ADAMTS10: variants seen among roughly 807,000 people sequenced by gnomAD.
The protein encoded by ADAMTS10 is A disintegrin and metalloproteinase with thrombospondin motifs 10.
A neutral mutation model predicts 135.9 loss-of-function variants in ADAMTS10; 48 were observed. The observed-to-expected ratio is 0.35, with a 90% CI of 0.28 to 0.45. ADAMTS10 has a LOEUF of 0.45. ADAMTS10 is among the 20% of genes least tolerant of loss of function. The pLI is 1.00. For synonymous variants in ADAMTS10, 621 were observed against 647.5 expected, an observed-to-expected ratio of 0.96 and a Z score of 0.62; for missense variants, 1,131 against 1,565.2, an observed-to-expected ratio of 0.72 and a Z score of 4.68.
At position 8,601,120 on chromosome 19, in the gene ADAMTS10, T is replaced by C. The variant is rs2042665525; in HGVS notation, c.618A>G (p.Pro206=). Residue 206 remains proline (P), a synonymous_variant, in exon 6 of 26, where the codon CCA becomes CCG. Coordinates refer to ENST00000597188, the MANE Select transcript of ADAMTS10 (RefSeq NM_030957.4). The surrounding 1 kb of genome is among the most constrained non-coding windows in gnomAD (Gnocchi z 4.6). The stretch of plus-strand genomic sequence containing the variant: ...GTGGCTTCAAGGTCCGCAGCCACCA[T>C]GGCCGCCCTTTCCACGGTTTCTCAT... ...VRDEKPWKGR[P]WWLRTLKPPP... 1 of 1,613,810 alleles carries C rather than the reference T, an allele frequency of 6.2e-7. No homozygotes were observed. Among genetic ancestry groups the C allele is most frequent in the Non-Finnish European group, 8.5e-7 (1 of 1,180,036 alleles).
At chr19:8,603,389 C>T (rs2042687086) in intron 5 of ADAMTS10, among the ~76,000 whole-genome samples, 1 of 152,210 alleles carries the variant, frequency 6.6e-6, no homozygotes, top group Non-Finnish European at 1.5e-5. Context: ...ATTCTCCTGC[C>T]TCAGCCTCCC....
In ADAMTS10 at chr19:8,585,808, G is replaced by A. The variant is rs905212549; in HGVS notation, c.2661-148C>T. ...GGCACCTCCACATTCCACACTTGGG[G>A]CATCGTTAGCCTGCACCCAGACTGG... is the stretch of plus-strand genomic sequence containing the variant. On this transcript the variant is annotated intron_variant, in intron 22 of 25. Transcript: ENST00000597188. 2.0e-5 allele frequency: 18 copies of A among 888,228 alleles called. No individual in the cohort carries two copies. In the Admixed American group the frequency reaches 3.1e-4, roughly 16 times the overall value. 55.0% of individuals were successfully genotyped at this position (888,228 alleles called of 1,614,324 possible).
intron 12 of ADAMTS10, 64 bp downstream of exon 12, chr19:8,595,698 T>TACCAA: frequency 2.1e-5 from 27 of 1,291,922 alleles, no homozygotes; most frequent in Non-Finnish European, 2.8e-5. Flanking sequence ...CTGGTGGAGT[T>TACCAA]CCCTCCCCCA....
Position 8,601,093 on chromosome 19 carries a change from C to T in ADAMTS10, c.645G>A (p.Pro215=), listed in dbSNP as rs376190817. 5.5e-5 allele frequency: 89 copies of T among 1,614,024 alleles called. No homozygotes were observed. The African/African-American group carries it at 7.2e-4, about 13-fold the overall frequency. Residue 215 remains proline (P), a synonymous_variant, in exon 6 of 26, where the codon CCG becomes CCA. Transcript: ENST00000597188. The surrounding 1 kb of genome is among the most constrained non-coding windows in gnomAD (Gnocchi z 4.6). ...TTTCATTCCCCAGGGGCCTGGCAGG[C>T]GGTGGCTTCAAGGTCCGCAGCCACC... ...RPWWLRTLKP[P]PARPLGNETE...
At position 8,602,020 on chromosome 19, in the gene ADAMTS10, A is replaced by G. The variant is rs537546396; in HGVS notation, c.593-875T>C. Among the ~76,000 whole-genome samples, 6 of 152,318 alleles carry G rather than the reference A, an allele frequency of 3.9e-5. No individual in the cohort carries two copies. The East Asian group carries it at 9.6e-4, about 24-fold the overall frequency. ...ATGGTGTGAACCAGCCTGTTTTGCAATTTGAACTGTGTGCTTGGACAACGT... is the reference window on the plus strand; with the variant it reads ...ATGGTGTGAACCAGCCTGTTTTGCAGTTTGAACTGTGTGCTTGGACAACGT... On this transcript the variant is annotated intron_variant, in intron 5 of 25. Coordinates refer to ENST00000597188, the MANE Select transcript of ADAMTS10 (RefSeq NM_030957.4).
chr19:8,594,705 G>T (rs2146076408), intron 12 of ADAMTS10, among the ~76,000 whole-genome samples: 1 of 152,298 alleles, frequency 6.6e-6, no homozygotes, highest in South Asian at 2.1e-4. Flanking sequence ...GGGCTAGCAG[G>T]ATTGTCAGGA....
chr19:8,585,284 G>C lies in ADAMTS10; in HGVS notation c.2890C>G (p.Leu964Val), dbSNP rs1555736695. Residue 964 changes from leucine (L) to valine (V), a missense_variant, in exon 24 of 26, where the codon CTC becomes GTC. Physicochemically the swap from Leu to Val is conservative, Grantham distance 32 (BLOSUM62 1). This residue lies in a region of ADAMTS10 where 745 missense variants were observed against 1,056.3 expected (regional missense o/e 0.71). Coordinates refer to ENST00000597188, the MANE Select transcript of ADAMTS10 (RefSeq NM_030957.4). ...SECTPSCGPG[L>V]RHRVVLCKSA... ...TTGCAAAGGACCACGCGGTGGCGGA[G>C]GCCCGGCCCGCAGCTGGGGGTGCAC... 4 of 1,518,474 alleles carry C rather than the reference G, an allele frequency of 2.6e-6. No individual in the cohort carries two copies. In the Admixed American group the frequency reaches 8.0e-5, roughly 30 times the overall value. 94.1% of individuals were successfully genotyped at this position (1,518,474 alleles called of 1,614,324 possible). A position where few individuals can be genotyped will look rare whatever the true frequency, so the allele number is the denominator to read the frequency against.
chr19:8,580,669 A>G lies in ADAMTS10; in HGVS notation c.*224T>C, dbSNP rs1391977597. 2 of 534,626 alleles carry G rather than the reference A, an allele frequency of 3.7e-6. No individual in the cohort carries two copies. The highest frequency in any genetic ancestry group is 6.8e-6 in the Non-Finnish European group (2 of 295,942). 33.1% of individuals were successfully genotyped at this position (534,626 alleles called of 1,614,324 possible). On this transcript the variant is annotated 3_prime_UTR_variant, in exon 26 of 26. Transcript: ENST00000597188. ...CCCACCCTGGAGGGGGGGTCTCACT[A>G]TGTGAACTGGAAGGGGCGGATGCTG...
chr19:8,592,292 C>T, intron 13 of ADAMTS10, 189 bp from the exon 14 acceptor site: 2 of 1,188,626 alleles, frequency 1.7e-6, no homozygotes, highest in African/African-American at 3.1e-5. Flanking sequence ...CAGGTACAAG[C>T]GAGAGGCGTG....
At position 8,580,473 on chromosome 19, in the gene ADAMTS10, C is replaced by G. The variant is rs1297167992; in HGVS notation, c.*420G>C. 1 of 171,516 alleles carries G rather than the reference C, an allele frequency of 5.8e-6. No individual in the cohort carries two copies. Among genetic ancestry groups the G allele is most frequent in the Non-Finnish European group, 1.3e-5 (1 of 78,692 alleles). 10.6% of individuals were successfully genotyped at this position (171,516 alleles called of 1,614,324 possible). Reference sequence around the variant, plus strand: ...CCCATAGCAGACACAGATTCCCCCCCAGCTCGGAGTGGAGGGGTAGGGCAG... The same window carrying G: ...CCCATAGCAGACACAGATTCCCCCCGAGCTCGGAGTGGAGGGGTAGGGCAG... On this transcript the variant is annotated 3_prime_UTR_variant, in exon 26 of 26. Transcript: ENST00000597188.
rs191410225 is a variant in ADAMTS10 at position 8,594,176 on chromosome 19, C to A, written c.1480-1306G>T. On this transcript the variant is annotated intron_variant, in intron 12 of 25. Coordinates refer to ENST00000597188, the MANE Select transcript of ADAMTS10 (RefSeq NM_030957.4). ...TTGTCCTCCTCTCCACAAGGAGGCACTGTGGCATATTTGAGTTGTGCAGAG... is the reference window on the plus strand; with the variant it reads ...TTGTCCTCCTCTCCACAAGGAGGCAATGTGGCATATTTGAGTTGTGCAGAG... Among the ~76,000 whole-genome samples the A allele has an allele frequency of 4.4e-3, 674 of 152,338 alleles. 3 individuals are homozygous for A. Among genetic ancestry groups the A allele is most frequent in the Non-Finnish European group, 5.4e-3 (364 of 68,026 alleles).
chr19:8,595,957 A>AG, intron 11 of ADAMTS10, 54 bp from the exon 12 acceptor site: 1 of 1,614,082 alleles, frequency 6.2e-7, no homozygotes, highest in East Asian at 2.2e-5. Context: ...TCAAGAGCTC[A>AG]GGAGCCTCAG....
Position 8,585,154 on chromosome 19 carries a change from C to A in ADAMTS10, c.3020G>T (p.Trp1007Leu). The A allele has an allele frequency of 7.1e-7, 1 of 1,410,418 alleles. No homozygotes were observed. The highest frequency in any genetic ancestry group is 1.5e-5 in the South Asian group (1 of 65,668). 87.4% of individuals were successfully genotyped at this position (1,410,418 alleles called of 1,614,324 possible). Residue 1007 changes from tryptophan (W) to leucine (L), a missense_variant, in exon 24 of 26, where the codon TGG becomes TTG. Transcript: ENST00000597188. ...CNLRRCPPAR[W>L]VAGEWGECSA... ...TACCTCACCCCACTCGCCAGCCACC[C>A]AGCGGGCCGGGGGGCAGCGGCGCAA...
intron 25 of ADAMTS10, among the ~76,000 whole-genome samples, chr19:8,583,024 T>C (rs1555736120): frequency 6.6e-6 from 1 of 152,014 alleles, no homozygotes; most frequent in Non-Finnish European, 1.5e-5. Flanking sequence ...GCTCAGGCAA[T>C]CTTTCCAGTT....
intron 12 of ADAMTS10, 179 bp from the exon 13 acceptor site, chr19:8,593,049 C>G: frequency 3.1e-6 from 2 of 653,124 alleles, no homozygotes; most frequent in Non-Finnish European, 5.6e-6. Context: ...TGGCCTGTGA[C>G]TTATACTCTC....
Position 8,600,939 on chromosome 19 carries a change from T to C in ADAMTS10, c.799A>G (p.Ile267Val). ...GGGAAGGCACTTACAATGTTCATGA[T>C]GGCCAGGACATACTGCTCCACATCC... is the stretch of plus-strand genomic sequence containing the variant. ...RRDVEQYVLA[I>V]MNIVAKLFQD... Residue 267 changes from isoleucine (I) to valine (V), a missense_variant, in exon 6 of 26, where the codon ATC becomes GTC. Around this residue, in one of 3 missense-constraint regions of ADAMTS10, gnomAD observed 80 missense variants for 164.4 expected, o/e 0.49. Transcript: ENST00000597188. 6.2e-7 allele frequency: 1 copy of C among 1,614,164 alleles called. No homozygotes were observed. Among genetic ancestry groups the C allele is most frequent in the Non-Finnish European group, 8.5e-7 (1 of 1,180,038 alleles).
At chr19:8,593,027 C>T (rs1430511656) in intron 12 of ADAMTS10, 157 bp from the exon 13 acceptor site, 7 of 696,622 alleles carry the variant, frequency 1.0e-5, no homozygotes, top group African/African-American at 8.8e-5. Context: ...TCGTGCATCC[C>T]CTTGCGGGGC....
chr19:8,606,591 T>C (rs1184856524), intron 2 of ADAMTS10, among the ~76,000 whole-genome samples: 2 of 151,948 alleles, frequency 1.3e-5, no homozygotes, highest in Non-Finnish European at 1.5e-5. Flanking sequence ...TTAGTAGAGA[T>C]GGGGTTTCAC....
chr19:8,592,591 C>T (rs561704212), intron 13 of ADAMTS10, among the ~76,000 whole-genome samples, 172 bp downstream of exon 13: 1 of 147,970 alleles, frequency 6.8e-6, no homozygotes, highest in East Asian at 2.0e-4. Context: ...GCGTGGCCAA[C>T]GCGGGAAGGA....
Sources: gnomAD v4.1 joint callset for allele counts (sites outside exome capture counted in the v4.1 genomes callset) on GRCh38, gnomAD v4.1.1 for gene constraint, gnomAD v4.1.1 regional missense constraint, Gnocchi (gnomAD v3.1) non-coding constraint, MANE v1.5 for transcripts, NCBI Gene and HGNC (gene_info 2026-07-23, HGNC 2026-07-21) for gene names.